The following MAEA variants were observed in gnomAD, a reference collection of about 807,000 sequenced individuals.
The protein encoded by MAEA is E3 ubiquitin-protein transferase MAEA.
Under a neutral mutation model 46.2 loss-of-function variants are expected in MAEA, and 22 were observed. The ratio of observed to expected loss-of-function variants is 0.48; its 90% CI spans 0.34 to 0.68. MAEA has a LOEUF of 0.68. Among genes scored for constraint, MAEA ranks in the 30% least tolerant of loss-of-function variants. MAEA has a pLI of 0.01. For missense variants in MAEA, 393 were observed against 558.1 expected, an observed-to-expected ratio of 0.70 and a Z score of 2.98; for synonymous variants, 246 against 222.6, an observed-to-expected ratio of 1.11 and a Z score of -0.94.
intron 6 of MAEA, chr4:1,335,151 A>G: frequency 1.0e-6 from 1 of 985,462 alleles, no homozygotes; most frequent in Non-Finnish European, 1.2e-6. Context: ...AGGGACAGAC[A>G]TTCATCAGGT....
intron 1 of MAEA, chr4:1,297,879 C>G (rs1014336139): frequency 4.8e-6 from 2 of 413,908 alleles, no homozygotes; most frequent in Non-Finnish European, 1.0e-5. Flanking sequence ...CAGCCTCTTG[C>G]GTTTCCTTTC....
intron 1 of MAEA, among the ~76,000 whole-genome samples, chr4:1,290,691 C>T (rs1734015495): frequency 6.6e-6 from 1 of 152,228 alleles, no homozygotes; most frequent in South Asian, 2.1e-4. Context: ...GGCTGAGCTT[C>T]GTGGTTCTGT....
intron 1 of MAEA, among the ~76,000 whole-genome samples, chr4:1,301,238 G>A (rs1410988590): frequency 5.9e-5 from 9 of 152,220 alleles, no homozygotes; most frequent in African/African-American, 1.7e-4. Flanking sequence ...TTGAGGAAGC[G>A]CATCCTGAAG....
chr4:1,313,278 G>C (rs1250209376), intron 2 of MAEA, among the ~76,000 whole-genome samples: 1 of 152,176 alleles, frequency 6.6e-6, no homozygotes, highest in African/African-American at 2.4e-5. Flanking sequence ...TAGATTCTCA[G>C]TTTTCAAGTA....
chr4:1,333,568 G>C (rs1473717953), intron 6 of MAEA, among the ~76,000 whole-genome samples: 1 of 152,014 alleles, frequency 6.6e-6, no homozygotes, highest in Non-Finnish European at 1.5e-5. Context: ...GTAGGGTTGG[G>C]GGTTCTGCCA....
At chr4:1,305,564 C>G (rs1215644402) in intron 1 of MAEA, among the ~76,000 whole-genome samples, 1 of 152,148 alleles carries the variant, frequency 6.6e-6, no homozygotes, top group East Asian at 1.9e-4. Context: ...TTTTAAAGAA[C>G]TAAGCGCTTT....
In MAEA at chr4:1,311,865, T is replaced by C; in HGVS notation, c.70-114T>C. On this transcript the variant is annotated intron_variant, in intron 1 of 8. Transcript: ENST00000303400. This position sits in a 1 kb window ranked among gnomAD's most constrained non-coding sequence, Gnocchi z 4.4. ...TAGATACTTTTGAGACCATGAACCT[T>C]CTGAGACTTCTGCCTCTACAAGTGC... 2.2e-6 allele frequency: 2 copies of C among 905,342 alleles called. No homozygotes were observed. Among genetic ancestry groups the C allele is most frequent in the Non-Finnish European group, 3.4e-6 (2 of 588,994 alleles). The allele number at this position is 905,342 out of a possible 1,614,324, so 56.1% of individuals were successfully genotyped here. A position where few individuals can be genotyped will look rare whatever the true frequency, so the allele number is the denominator to read the frequency against.
chr4:1,302,130 G>A (rs566044663), intron 1 of MAEA, among the ~76,000 whole-genome samples: 1 of 152,238 alleles, frequency 6.6e-6, no homozygotes, highest in African/African-American at 2.4e-5. Context: ...GAAAATCTAA[G>A]AAAACAAAAT....
intron 1 of MAEA, among the ~76,000 whole-genome samples, chr4:1,291,577 C>T (rs1224316354): frequency 6.6e-6 from 1 of 152,182 alleles, no homozygotes; most frequent in Non-Finnish European, 1.5e-5. Context: ...CAGTGCACCT[C>T]CAGGCCTGTC....
chr4:1,337,988 G>C lies in MAEA; in HGVS notation c.900-434G>C, dbSNP rs1437992497. ...ATTGCTGCTGGTACCTGGCTGTGCC[G>C]GGGTATGAATGAGACTCAGGCCCCC... is the stretch of plus-strand genomic sequence containing the variant. On this transcript the variant is annotated intron_variant, in intron 7 of 8. Transcript: ENST00000303400. The C allele has an allele frequency of 2.2e-5, 4 of 180,810 alleles. No homozygotes were observed. In the East Asian group the frequency reaches 6.7e-4, roughly 30 times the overall value. 11.2% of individuals were successfully genotyped at this position (180,810 alleles called of 1,614,324 possible). A position where few individuals can be genotyped will look rare whatever the true frequency, so the allele number is the denominator to read the frequency against.
chr4:1,336,168 G>T (rs1374685829), intron 6 of MAEA, among the ~76,000 whole-genome samples: 4 of 150,342 alleles, frequency 2.7e-5, no homozygotes, highest in Admixed American at 6.7e-5. Flanking sequence ...CACTGGCCTT[G>T]CAGCATGTTG....
At position 1,312,271 on chromosome 4, in the gene MAEA, G is replaced by A. The variant is rs144441304; in HGVS notation, c.252+110G>A. On this transcript the variant is annotated intron_variant, in intron 2 of 8. Coordinates refer to ENST00000303400, the MANE Select transcript of MAEA (RefSeq NM_001017405.3). ...GCAATGATGGGAACGCGGGAGGTGC[G>A]GTTGGGGGCCCCCTTCCCTGCTGTC... 377 of 1,375,370 alleles carry A rather than the reference G, an allele frequency of 2.7e-4. 6 individuals are homozygous for A. Among genetic ancestry groups the A allele is most frequent in the South Asian group, 2.3e-3 (175 of 75,158 alleles). 85.2% of individuals were successfully genotyped at this position (1,375,370 alleles called of 1,614,324 possible).
chr4:1,296,525 TGCCTTGTG>T (rs34298138), intron 1 of MAEA, among the ~76,000 whole-genome samples: 21,542 of 148,834 alleles, frequency 0.14, 3,133 homozygotes, highest in East Asian at 0.4. Flanking sequence ...CTGTGCCCTT[TGCCTTGTG>T]GCTGCTCCTG....
At chr4:1,329,854 A>G in intron 5 of MAEA, 3 of 985,556 alleles carry the variant, frequency 3.0e-6, no homozygotes, top group Non-Finnish European at 3.6e-6. Context: ...GGCTCCAGGC[A>G]GGGCCCTCTC....
chr4:1,318,804 A>T (rs1338426847), intron 3 of MAEA, among the ~76,000 whole-genome samples: 1 of 152,136 alleles, frequency 6.6e-6, no homozygotes, highest in Non-Finnish European at 1.5e-5. Context: ...CTACCTGTGC[A>T]CCAAAATTCC....
At chr4:1,330,527 G>C (rs544657032) in intron 5 of MAEA, 12 of 151,828 alleles carry the variant, frequency 7.9e-5, no homozygotes, top group Admixed American at 5.9e-4. Flanking sequence ...ATGTTGGCCA[G>C]GCTGGTCTCA....
At chr4:1,330,085 C>T in intron 5 of MAEA, 3 of 985,482 alleles carry the variant, frequency 3.0e-6, no homozygotes, top group Non-Finnish European at 2.4e-6. Flanking sequence ...CTCCGCCCTG[C>T]CTGGGGCATT....
At chr4:1,327,413 G>A (rs1414688169) in intron 4 of MAEA, among the ~76,000 whole-genome samples, 1 of 152,228 alleles carries the variant, frequency 6.6e-6, no homozygotes, top group Non-Finnish European at 1.5e-5. Flanking sequence ...AGGAGCAGGG[G>A]GCGGGACTCA....
At chr4:1,309,723 C>T (rs1432118001) in intron 1 of MAEA, 9 of 1,519,346 alleles carry the variant, frequency 5.9e-6, no homozygotes, top group Non-Finnish European at 7.9e-6. Context: ...GTGAGCCCCT[C>T]CCCGGCCTCC....
Sources: gnomAD v4.1 joint callset for allele counts (sites outside exome capture counted in the v4.1 genomes callset) on GRCh38, gnomAD v4.1.1 for gene constraint, Gnocchi (gnomAD v3.1) non-coding constraint, MANE v1.5 for transcripts, NCBI Gene and HGNC (gene_info 2026-07-23, HGNC 2026-07-21) for gene names.